Variants in UNC13C observed in about 807,000 individuals in gnomAD.
UNC13C encodes the protein unc-13 homolog C, also known as protein unc-13 homolog C.
A neutral mutation model predicts 245.4 loss-of-function variants in UNC13C; 174 were observed. The ratio of observed to expected loss-of-function variants is 0.71; its 90% CI spans 0.63 to 0.80. The LOEUF (loss-of-function observed/expected upper bound fraction) is 0.80, where lower values mean the gene tolerates loss of function less well. Among genes scored for constraint, UNC13C ranks in the 30% least tolerant of loss-of-function variants. The pLI is 0.00. For missense variants in UNC13C, 2,829 were observed against 2,602.9 expected (o/e 1.09, Z -1.89); for synonymous variants, 992 against 895.1 (o/e 1.11, Z -1.93).
chr15:53,931,877 A>G, the UNC13C span, among the ~76,000 whole-genome samples: 47,855 of 151,800 alleles, frequency 0.32, 7,610 homozygotes, highest in Non-Finnish European at 0.33. Context: ...TATCGTAGGC[A>G]TGAAATCATT....
chr15:54,124,450 ACTGT>A (rs1217119852), intron 2 of UNC13C, among the ~76,000 whole-genome samples: 1 of 152,222 alleles, frequency 6.6e-6, no homozygotes, highest in African/African-American at 2.4e-5. Flanking sequence ...TAGTGAAATA[ACTGT>A]CTGTATCTTT....
chr15:54,465,091 C>A (rs1369755194), intron 19 of UNC13C, among the ~76,000 whole-genome samples: 1 of 151,940 alleles, frequency 6.6e-6, no homozygotes, highest in African/African-American at 2.4e-5. Context: ...CTATTGTTAT[C>A]TGCTTTTGGA....
intron 1 of UNC13C, among the ~76,000 whole-genome samples, chr15:54,007,910 C>T (rs1277302205): frequency 6.6e-6 from 1 of 152,156 alleles, no homozygotes; most frequent in Non-Finnish European, 1.5e-5. Flanking sequence ...CATAAGAGGT[C>T]CTGTCCCTTT....
chr15:53,865,545 A>G, the UNC13C span, among the ~76,000 whole-genome samples: 5 of 151,996 alleles, frequency 3.3e-5, no homozygotes, highest in African/African-American at 4.8e-5. Flanking sequence ...TAACTTAATC[A>G]CCTCTTTAAA....
rs1368041065 is a variant in UNC13C, at chr15:54,265,507, A to C, written c.3818+11A>C. On this transcript the variant is annotated intron_variant, in intron 10 of 32. Coordinates refer to ENST00000260323, the MANE Select transcript of UNC13C (RefSeq NM_001080534.3). The stretch of plus-strand genomic sequence containing the variant: ...TGAGAAGTTTTATTTGTGAGTATAT[A>C]ATGTGAAACCTTTACAAATATTAAA... The C allele has an allele frequency of 3.3e-6, 5 of 1,511,878 alleles. No homozygotes were observed. Among genetic ancestry groups the C allele is most frequent in the Admixed American group, 2.1e-5 (1 of 46,710 alleles). 93.7% of individuals were successfully genotyped at this position (1,511,878 alleles called of 1,614,324 possible).
At chr15:54,559,574 C>G (rs377276333) in intron 29 of UNC13C, among the ~76,000 whole-genome samples, 2 of 151,882 alleles carry the variant, frequency 1.3e-5, no homozygotes, top group African/African-American at 4.8e-5. Flanking sequence ...GATGAGAGCA[C>G]CTGCCTTTGA....
intron 24 of UNC13C, among the ~76,000 whole-genome samples, chr15:54,512,190 A>G (rs779164214): frequency 2.6e-5 from 4 of 152,058 alleles, no homozygotes; most frequent in African/African-American, 7.2e-5. Flanking sequence ...CTTGATATCA[A>G]TGTTTATTCT....
chr15:54,008,835 C>T (rs1431413669), intron 1 of UNC13C, among the ~76,000 whole-genome samples: 1 of 152,200 alleles, frequency 6.6e-6, no homozygotes, highest in South Asian at 2.1e-4. Flanking sequence ...TAGGACCAAA[C>T]TACCTTTTTG....
chr15:54,294,923 G>A (rs2037390065), intron 11 of UNC13C, among the ~76,000 whole-genome samples: 1 of 152,042 alleles, frequency 6.6e-6, no homozygotes, highest in Admixed American at 6.6e-5. Flanking sequence ...TGAAATAATT[G>A]ACAAATGGAG....
chr15:54,552,644 AATTATATAATTAT>A (rs1896847438), intron 28 of UNC13C, among the ~76,000 whole-genome samples: 1 of 74,722 alleles, frequency 1.3e-5, no homozygotes, highest in Non-Finnish European at 2.1e-5. Flanking sequence ...AATATAATAT[AATTATATAATTAT>A]ATTATATTGT....
intron 2 of UNC13C, among the ~76,000 whole-genome samples, chr15:54,103,433 A>G (rs1374347109): frequency 6.6e-6 from 1 of 152,196 alleles, no homozygotes; most frequent in African/African-American, 2.4e-5. Flanking sequence ...AGACAAATGC[A>G]TAGCTGGTCA....
intron 10 of UNC13C, among the ~76,000 whole-genome samples, chr15:54,288,444 GA>G (rs2037206117): frequency 6.6e-6 from 1 of 151,838 alleles, no homozygotes; most frequent in Non-Finnish European, 1.5e-5. Flanking sequence ...ACCATCCCAG[GA>G]AATCCAGGCA....
intron 1 of UNC13C, among the ~76,000 whole-genome samples, chr15:53,991,730 CTTATTATGGTAATTGCA>C (rs1242519948): frequency 2.0e-5 from 3 of 152,088 alleles, no homozygotes; most frequent in Non-Finnish European, 4.4e-5. Flanking sequence ...AATGTTGCAA[CTTATTATGGTAATTGCA>C]TCCACATTGT....
chr15:54,013,914 G>C lies in UNC13C; in HGVS notation c.1011G>C (p.Val337=), dbSNP rs140142945. ...AAAGATTTGAATATGTTGAAAGCGT[G>C]GTGTACCAAATTCTAATAGATAAAA... The part of the protein sequence containing the change: ...TEERFEYVES[V]VYQILIDKMG... Residue 337 remains valine, a synonymous_variant, in exon 2 of 33, where the codon GTG becomes GTC. Transcript: ENST00000260323. The C allele has an allele frequency of 6.2e-7, 1 of 1,612,916 alleles. No homozygotes were observed. The highest frequency in any genetic ancestry group is 8.5e-7 in the Non-Finnish European group (1 of 1,179,646).
intron 13 of UNC13C, among the ~76,000 whole-genome samples, chr15:54,320,260 G>T (rs1251288093): frequency 2.0e-5 from 3 of 151,980 alleles, no homozygotes; most frequent in Non-Finnish European, 4.4e-5. Context: ...TAGAAGCAGG[G>T]TTGAGGAAGT....
intron 13 of UNC13C, among the ~76,000 whole-genome samples, chr15:54,304,666 A>C (rs1252974681): frequency 6.6e-6 from 1 of 151,496 alleles, no homozygotes; most frequent in Non-Finnish European, 1.5e-5. Context: ...AAAAAAAAAA[A>C]AAAAAACCCT....
chr15:54,524,419 G>GTTA (rs1216839387), intron 24 of UNC13C, among the ~76,000 whole-genome samples: 1 of 152,182 alleles, frequency 6.6e-6, no homozygotes, highest in African/African-American at 2.4e-5. Context: ...GCGGACTTGA[G>GTTA]TTAAAACTGA....
intron 30 of UNC13C, chr15:54,609,265 A>G (rs1330206548): frequency 6.6e-6 from 1 of 152,184 alleles, no homozygotes; most frequent in African/African-American, 2.4e-5. Context: ...TCACCCAGGT[A>G]CCAATTATTG....
At chr15:54,373,901 C>T (rs2039549101) in intron 17 of UNC13C, among the ~76,000 whole-genome samples, 1 of 152,042 alleles carries the variant, frequency 6.6e-6, no homozygotes, top group African/African-American at 2.4e-5. Context: ...TATTGAGCAA[C>T]AGTACAGCTC....
Sources: gnomAD v4.1 joint callset for allele counts (sites outside exome capture counted in the v4.1 genomes callset) on GRCh38, gnomAD v4.1.1 for gene constraint, MANE v1.5 for transcripts, NCBI Gene and HGNC (gene_info 2026-07-23, HGNC 2026-07-21) for gene names.